Variants in ALMS1 observed in about 807,000 individuals in gnomAD.
ALMS1 encodes the protein ALMS1 centrosome and basal body associated protein.
Under a neutral mutation model 352.2 loss-of-function variants are expected in ALMS1, and 271 were observed. The observed-to-expected ratio is 0.77, with a 90% CI of 0.70 to 0.85. The LOEUF is 0.85. Among genes scored for constraint, ALMS1 ranks in the 40% least tolerant of loss-of-function variants. The pLI, the probability that ALMS1 is intolerant of heterozygous loss-of-function variation, is 0.00. For synonymous variants in ALMS1, 1,865 were observed against 1,761.2 expected (o/e 1.06, Z -1.48); for missense variants, 5,445 against 4,870.7 (o/e 1.12, Z -3.51).
At chr2:73,584,539 T>C (rs998597237) in intron 16 of ALMS1, among the ~76,000 whole-genome samples, 1 of 152,342 alleles carries the variant, frequency 6.6e-6, no homozygotes, top group East Asian at 1.9e-4. Context: ...TATAAAAGTT[T>C]TGATTAACAG....
intron 15 of ALMS1, among the ~76,000 whole-genome samples, chr2:73,561,425 G>C: frequency 6.6e-6 from 1 of 152,132 alleles, no homozygotes; most frequent in East Asian, 1.9e-4. Context: ...GCCTGTTGCT[G>C]CCTCTGGGAC....
intron 7 of ALMS1, among the ~76,000 whole-genome samples, chr2:73,447,721 T>C (rs1162737012): frequency 6.6e-6 from 1 of 152,182 alleles, no homozygotes; most frequent in Non-Finnish European, 1.5e-5. Flanking sequence ...CCATATAATA[T>C]TTCATCCACT....
At chr2:73,461,488 A>C (rs942597712) in intron 9 of ALMS1, among the ~76,000 whole-genome samples, 16 of 152,218 alleles carry the variant, frequency 1.1e-4, no homozygotes, top group Non-Finnish European at 1.5e-5. Flanking sequence ...AAGGTAGATA[A>C]AACCACAAAG....
In ALMS1 at chr2:73,448,368, T is replaced by C; in HGVS notation, c.1841T>C (p.Met614Thr). ...APGLADQTTG[M>T]STLTSTSYSH... ...GGACTAGCTGACCAGACAACTGGCA[T>C]GTCAACTCTAACCTCTACTTCCTAC... Residue 614 changes from methionine (M) to threonine (T), a missense_variant, in exon 8 of 23, where the codon ATG (methionine) becomes ACG (threonine). Physicochemically the swap from Met to Thr is moderately conservative, Grantham distance 81. Transcript: ENST00000613296. 1 of 1,613,952 alleles carries C rather than the reference T, an allele frequency of 6.2e-7. No individual in the cohort carries two copies. Among genetic ancestry groups the C allele is most frequent in the South Asian group, 1.1e-5 (1 of 91,078 alleles).
At chr2:73,516,900 G>T (rs1177181363) in intron 10 of ALMS1, among the ~76,000 whole-genome samples, 1 of 152,042 alleles carries the variant, frequency 6.6e-6, no homozygotes, top group East Asian at 1.9e-4. Flanking sequence ...CCTGCCTTAA[G>T]CAGGTACAAC....
chr2:73,499,527 T>A (rs984088543), intron 10 of ALMS1, among the ~76,000 whole-genome samples: 1 of 152,176 alleles, frequency 6.6e-6, no homozygotes, highest in Non-Finnish European at 1.5e-5. Context: ...TTGATTTTTG[T>A]ATATGGCGAA....
chr2:73,444,322 A>G (rs1671768413), intron 7 of ALMS1, among the ~76,000 whole-genome samples: 3 of 150,736 alleles, frequency 2.0e-5, no homozygotes, highest in Admixed American at 2.0e-4. Context: ...GGGTATTACT[A>G]TGACCAGGTT....
Position 73,424,503 on chromosome 2 carries a change from G to A in ALMS1, c.838G>A (p.Ala280Thr). The A allele has an allele frequency of 6.2e-7, 1 of 1,607,690 alleles. No homozygotes were observed. The highest frequency in any genetic ancestry group is 8.5e-7 in the Non-Finnish European group (1 of 1,176,972). The stretch of plus-strand genomic sequence containing the variant: ...GGAAGTTAGTGAAGCTTTATTCCAG[G>A]CTACTGCAGAAGTAGCTTCAGACTT... ...PSEVSEALFQ[A>T]TAEVASDLAS... is the part of the protein sequence containing the mutation. Residue 280 changes from alanine to threonine, a missense_variant, in exon 5 of 23, where the codon GCT (alanine) becomes ACT (threonine). By Grantham distance (58) the Ala-to-Thr change is moderately conservative. Coordinates refer to ENST00000613296, the MANE Select transcript of ALMS1 (RefSeq NM_001378454.1).
chr2:73,527,508 A>G (rs1292105276), intron 11 of ALMS1, among the ~76,000 whole-genome samples: 2 of 151,942 alleles, frequency 1.3e-5, no homozygotes, highest in Non-Finnish European at 2.9e-5. Context: ...GTATGTTTCT[A>G]GGAATTTGTC....
rs372015288 is a variant in ALMS1 at position 73,491,345 on chromosome 2, A to C, written c.9386A>C (p.Gln3129Pro). The change falls in exon 10 of 23, where the codon CAG (glutamine) becomes CCG (proline). Residue 3129 changes from glutamine to proline, a missense_variant. Coordinates refer to ENST00000613296, the MANE Select transcript of ALMS1 (RefSeq NM_001378454.1). ...TCTTCACTGGATTTCCAAGTCGTAC[A>C]GCCTTCTCTTCCAGACAGTAACACT... ...PKSSLDFQVV[Q>P]PSLPDSNTIT... The C allele has an allele frequency of 1.5e-5, 24 of 1,614,074 alleles. No individual in the cohort carries two copies. The highest frequency in any genetic ancestry group is 1.9e-5 in the Non-Finnish European group (22 of 1,180,028).
At chr2:73,524,233 T>C (rs986519602) in intron 11 of ALMS1, among the ~76,000 whole-genome samples, 2 of 152,250 alleles carry the variant, frequency 1.3e-5, no homozygotes, top group Non-Finnish European at 2.9e-5. Flanking sequence ...CTAATGGAAC[T>C]GTTCTTTTGA....
chr2:73,449,188 A>T lies in ALMS1; in HGVS notation c.2661A>T (p.Val887=). Residue 887 remains valine (V), a synonymous_variant, in exon 8 of 23, where the codon GTA becomes GTT. Transcript: ENST00000613296. ...ATCTAACTGAAGAGGCTCTGAAAGTATCAATTGTTCCTGGACCAGGTGATC... is the reference window on the plus strand; with the variant it reads ...ATCTAACTGAAGAGGCTCTGAAAGTTTCAATTGTTCCTGGACCAGGTGATC... The part of the protein sequence containing the change: ...NSHLTEEALK[V]SIVPGPGDQK... 1 of 1,614,014 alleles carries T rather than the reference A, an allele frequency of 6.2e-7. No individual in the cohort carries two copies. The highest frequency in any genetic ancestry group is 8.5e-7 in the Non-Finnish European group (1 of 1,179,984).
intron 3 of ALMS1, among the ~76,000 whole-genome samples, chr2:73,420,647 A>G (rs1671264792): frequency 6.6e-6 from 1 of 152,296 alleles, no homozygotes; most frequent in South Asian, 2.1e-4. Flanking sequence ...GTCTAGCAAA[A>G]TTCTGTATTA....
intron 16 of ALMS1, among the ~76,000 whole-genome samples, chr2:73,579,505 T>C (rs7424690): frequency 0.31 from 46,940 of 151,370 alleles, 9,055 homozygotes; most frequent in African/African-American, 0.55. Flanking sequence ...GGATTACAGG[T>C]GCACACCACC....
At chr2:73,393,461 A>G (rs1366146008) in intron 1 of ALMS1, among the ~76,000 whole-genome samples, 1 of 151,956 alleles carries the variant, frequency 6.6e-6, no homozygotes, top group Non-Finnish European at 1.5e-5. Flanking sequence ...TTACATTGAT[A>G]TATTGCATAG....
intron 1 of ALMS1, among the ~76,000 whole-genome samples, chr2:73,406,704 C>T (rs1670980382): frequency 6.6e-6 from 1 of 152,196 alleles, no homozygotes; most frequent in African/African-American, 2.4e-5. Flanking sequence ...CTTTGCCCCC[C>T]AACCTCCACC....
At chr2:73,501,355 C>CT (rs1439355448) in intron 10 of ALMS1, among the ~76,000 whole-genome samples, 3 of 151,396 alleles carry the variant, frequency 2.0e-5, no homozygotes, top group East Asian at 1.9e-4. Flanking sequence ...ATGATTAGTA[C>CT]TTTTTTGTGT....
In ALMS1 at chr2:73,450,975, T is replaced by C. The variant is rs370271775; in HGVS notation, c.4448T>C (p.Ile1483Thr). The change falls in exon 8 of 23, where the codon ATT becomes ACT. Residue 1483 changes from isoleucine to threonine, a missense_variant. By Grantham distance (89) the Ile-to-Thr change is moderately conservative. Coordinates refer to ENST00000613296, the MANE Select transcript of ALMS1 (RefSeq NM_001378454.1). ...SPSSSFGEKP[I>T]VIYKQAFPEG... ...TCCAGCTCATTTGGAGAGAAGCCCA[T>C]TGTTATCTACAAACAGGCCTTTCCA... is the stretch of plus-strand genomic sequence containing the variant. 7.0e-5 allele frequency: 113 copies of C among 1,613,656 alleles called. 1 individual carries two copies. The highest frequency in any genetic ancestry group is 8.9e-5 in the Non-Finnish European group (105 of 1,179,908).
intron 16 of ALMS1, among the ~76,000 whole-genome samples, chr2:73,589,370 A>G (rs1054054538): frequency 6.6e-6 from 1 of 152,214 alleles, no homozygotes; most frequent in African/African-American, 2.4e-5. Flanking sequence ...ACTAGTATAC[A>G]TGGTTTCTGT....
Sources: allele counts gnomAD v4.1 joint callset (sites outside exome capture counted in the v4.1 genomes callset), GRCh38; gene constraint gnomAD v4.1.1; transcripts MANE v1.5; gene names NCBI Gene and HGNC (gene_info 2026-07-23, HGNC 2026-07-21).